Variants in FGF12 observed in about 807,000 individuals in gnomAD.
The protein encoded by FGF12 is fibroblast growth factor 12B.
Under a neutral mutation model 23.6 loss-of-function variants are expected in FGF12, and 14 were observed. The ratio of observed to expected loss-of-function variants is 0.59; its 90% CI spans 0.39 to 0.93. FGF12 has a LOEUF of 0.93. Ranked by LOEUF, FGF12 falls within the 40% of genes least tolerant of loss-of-function variation. The pLI is 0.00. For synonymous variants in FGF12, 62 were observed against 77.3 expected, an observed-to-expected ratio of 0.80 and a Z score of 1.04; for missense variants, 175 against 217.8, an observed-to-expected ratio of 0.80 and a Z score of 1.24.
intron 2 of FGF12, among the ~76,000 whole-genome samples, chr3:192,639,452 C>T (rs562611856): frequency 1.3e-5 from 2 of 152,364 alleles, no homozygotes; most frequent in South Asian, 4.1e-4. Context: ...CTCCTCTGGG[C>T]ATACGCCCCC....
chr3:192,297,931 TTTTTCCATACA>T (rs1029811137), intron 4 of FGF12, among the ~76,000 whole-genome samples: 36 of 152,226 alleles, frequency 2.4e-4, no homozygotes, highest in African/African-American at 8.7e-4. Flanking sequence ...GAGCCACAGG[TTTTTCCATACA>T]TTCTCAAAAA....
chr3:192,399,416 C>G (rs1324043445), intron 2 of FGF12, among the ~76,000 whole-genome samples: 1 of 152,172 alleles, frequency 6.6e-6, no homozygotes, highest in Non-Finnish European at 1.5e-5. Flanking sequence ...GGAATGCCAG[C>G]CTCTCGAACT....
chr3:192,418,005 A>ATTAAGC (rs1165860566), intron 2 of FGF12, among the ~76,000 whole-genome samples: 1 of 152,084 alleles, frequency 6.6e-6, no homozygotes, highest in African/African-American at 2.4e-5. Flanking sequence ...ACCAAGCAGA[A>ATTAAGC]TTAAGCCAGG....
chr3:192,305,627 A>G (rs965257543), intron 4 of FGF12, among the ~76,000 whole-genome samples: 1 of 147,924 alleles, frequency 6.8e-6, no homozygotes, highest in African/African-American at 2.5e-5. Context: ...ACATGATAGA[A>G]CATTTACTTT....
At chr3:192,443,244 G>A (rs372336026) in intron 2 of FGF12, among the ~76,000 whole-genome samples, 3 of 152,126 alleles carry the variant, frequency 2.0e-5, no homozygotes, top group South Asian at 2.1e-4. Flanking sequence ...TGGAAAATAC[G>A]TAAACATCAT....
At chr3:192,155,013 G>C (rs1431388924) in intron 5 of FGF12, among the ~76,000 whole-genome samples, 5 of 146,254 alleles carry the variant, frequency 3.4e-5, no homozygotes. Context: ...ATATAGTCTC[G>C]TGGTGCGCCG....
In FGF12 at chr3:192,250,148, A is replaced by C. The variant is rs1397240636; in HGVS notation, c.229-79492T>G. On this transcript the variant is annotated intron_variant, in intron 4 of 5. Transcript: ENST00000445105. ...GAGAATTCAAATAACATTTATATTA[A>C]ATCTGACATAATAACCTAACGTTTT... Among the ~76,000 whole-genome samples the C allele has an allele frequency of 9.9e-5, 15 of 152,194 alleles. 1 individual carries two copies. The South Asian group carries it at 2.9e-3, about 29-fold the overall frequency.
chr3:192,401,302 C>T (rs889479082), intron 2 of FGF12, among the ~76,000 whole-genome samples: 2 of 152,072 alleles, frequency 1.3e-5, no homozygotes, highest in African/African-American at 2.4e-5. Context: ...CCTGGCCTCA[C>T]AAAGAAACGT....
intron 2 of FGF12, among the ~76,000 whole-genome samples, chr3:192,529,807 A>C (rs1725042979): frequency 6.6e-6 from 1 of 152,132 alleles, no homozygotes; most frequent in African/African-American, 2.4e-5. Flanking sequence ...TCACTATCTC[A>C]AGAACAGCAC....
intron 2 of FGF12, among the ~76,000 whole-genome samples, chr3:192,601,525 G>A (rs1419136215): frequency 6.6e-6 from 1 of 152,004 alleles, no homozygotes; most frequent in Non-Finnish European, 1.5e-5. Context: ...TACATGTATT[G>A]CAAAATCACA....
At chr3:192,188,751 TA>T (rs746725142) in intron 4 of FGF12, among the ~76,000 whole-genome samples, 1 of 152,238 alleles carries the variant, frequency 6.6e-6, no homozygotes, top group Non-Finnish European at 1.5e-5. Flanking sequence ...TGGACTCATT[TA>T]AAACTTGAAT....
chr3:192,335,427 C>G lies in FGF12; in HGVS notation c.162G>C (p.Val54=), dbSNP rs376292373. 1 of 1,613,110 alleles carries G rather than the reference C, an allele frequency of 6.2e-7. No homozygotes were observed. The highest frequency in any genetic ancestry group is 1.1e-5 in the South Asian group (1 of 91,040). The change falls in exon 4 of 6, where the codon GTG becomes GTC. Residue 54 remains valine, a synonymous_variant. Transcript: ENST00000445105. ...GGCTAGCCTTCACTCCTTGGATGGCCACTACACGCAGGCCCACGGGAATTA... is the reference window on the plus strand; with the variant it reads ...GGCTAGCCTTCACTCCTTGGATGGCGACTACACGCAGGCCCACGGGAATTA... ...FNLIPVGLRV[V]AIQGVKASLY... is the part of the protein sequence containing the mutation.
At chr3:192,428,801 G>A (rs1429448511) in intron 2 of FGF12, among the ~76,000 whole-genome samples, 4 of 152,164 alleles carry the variant, frequency 2.6e-5, no homozygotes, top group African/African-American at 9.7e-5. Context: ...TGAAGGATAT[G>A]AGGTTGTTCC....
chr3:192,328,142 T>A (rs1003424667), intron 4 of FGF12, among the ~76,000 whole-genome samples: 2 of 152,222 alleles, frequency 1.3e-5, no homozygotes, highest in Non-Finnish European at 2.9e-5. Context: ...GGTACGTATT[T>A]ATGGACTATG....
chr3:192,429,743 T>C (rs1721804435), intron 2 of FGF12, among the ~76,000 whole-genome samples: 1 of 152,094 alleles, frequency 6.6e-6, no homozygotes, highest in Admixed American at 6.5e-5. Context: ...TGAGGTAAGG[T>C]AGGTAACAAT....
intron 2 of FGF12, among the ~76,000 whole-genome samples, chr3:192,587,688 G>A (rs1210569822): frequency 6.6e-6 from 1 of 151,688 alleles, no homozygotes; most frequent in African/African-American, 2.4e-5. Context: ...AGATGTGGTG[G>A]CACACAGCTG....
intron 3 of FGF12, among the ~76,000 whole-genome samples, chr3:192,354,489 GA>G (rs560782170): frequency 6.7e-5 from 10 of 150,344 alleles, no homozygotes; most frequent in South Asian, 2.1e-4. Context: ...AACAGAATTA[GA>G]AAAAAAAGGT....
At chr3:192,165,116 G>T (rs1035039008) in intron 5 of FGF12, among the ~76,000 whole-genome samples, 1 of 151,816 alleles carries the variant, frequency 6.6e-6, no homozygotes, top group Admixed American at 6.6e-5. Flanking sequence ...ACCACACCTG[G>T]CTAATTTTCA....
chr3:192,651,475 C>T (rs1235339910), intron 2 of FGF12, among the ~76,000 whole-genome samples: 1 of 152,052 alleles, frequency 6.6e-6, no homozygotes, highest in African/African-American at 2.4e-5. Context: ...AAGAGGCCTG[C>T]TTCTCAATTC....
Sources: gnomAD v4.1 joint callset for allele counts (sites outside exome capture counted in the v4.1 genomes callset) on GRCh38, gnomAD v4.1.1 for gene constraint, MANE v1.5 for transcripts, NCBI Gene and HGNC (gene_info 2026-07-23, HGNC 2026-07-21) for gene names.